Variants in FAM149B1 observed in about 807,000 individuals in gnomAD.
FAM149B1 encodes the protein primary cilium assembly protein FAM149B1.
FAM149B1 carries 56 observed loss-of-function variants against 75.3 expected under a neutral mutation model. The observed-to-expected ratio is 0.74, with a 90% confidence interval of 0.60 to 0.93. FAM149B1 has a LOEUF of 0.93. Among genes scored for constraint, FAM149B1 ranks in the 40% least tolerant of loss-of-function variants. The pLI, the probability that FAM149B1 is intolerant of heterozygous loss-of-function variation, is 0.00. For synonymous variants in FAM149B1, 259 were observed against 256.1 expected, an observed-to-expected ratio of 1.01 and a Z score of -0.11; for missense variants, 639 against 708.4, an observed-to-expected ratio of 0.90 and a Z score of 1.11.
At chr10:73,189,412 G>T (rs531889550) in intron 3 of FAM149B1, among the ~76,000 whole-genome samples, 3 of 152,136 alleles carry the variant, frequency 2.0e-5, no homozygotes, top group Non-Finnish European at 4.4e-5. Context: ...GAAAACATAT[G>T]TGTAGAAAAA....
chr10:73,221,339 G>C (rs981557608), intron 7 of FAM149B1, among the ~76,000 whole-genome samples: 3 of 151,758 alleles, frequency 2.0e-5, no homozygotes, highest in African/African-American at 4.8e-5. Context: ...AATATTTCTT[G>C]TATGTGGGTC....
In FAM149B1 at chr10:73,240,714, CA is replaced by C. The variant is rs55812252; in HGVS notation, c.1676-217del. 3.5e-3 allele frequency among the ~76,000 whole-genome samples: 379 copies of C among 106,862 alleles called. 1 individual carries two copies. The highest frequency in any genetic ancestry group is 0.016 in the East Asian group (58 of 3,610). 70.1% of individuals were successfully genotyped at this position (106,862 alleles called of 152,430 possible). A position where few individuals can be genotyped will look rare whatever the true frequency, so the allele number is the denominator to read the frequency against. On this transcript the variant is annotated intron_variant, in intron 13 of 13. Coordinates refer to ENST00000242505, the MANE Select transcript of FAM149B1 (RefSeq NM_173348.2). ...GGGGGACAGAGTGAGACTCCACCTC[CA>C]AAAAAAAAAAAAAACCTCAGGTATA...
chr10:73,182,489 G>A (rs1002882472), intron 3 of FAM149B1, among the ~76,000 whole-genome samples: 4 of 152,232 alleles, frequency 2.6e-5, no homozygotes, highest in Non-Finnish European at 5.9e-5. Context: ...TAGGATTACA[G>A]GCATGCGCCA....
Position 73,228,181 on chromosome 10 carries a change from T to A in FAM149B1, c.1020T>A (p.Asn340Lys). 1 of 1,551,672 alleles carries A rather than the reference T, an allele frequency of 6.4e-7. No individual in the cohort carries two copies. Among genetic ancestry groups the A allele is most frequent in the Non-Finnish European group, 8.7e-7 (1 of 1,146,966 alleles). The change falls in exon 8 of 14, where the codon AAT (asparagine) becomes AAA (lysine). Residue 340 changes from asparagine to lysine, a missense_variant. Physicochemically the swap from Asn to Lys is moderately conservative, Grantham distance 94 (BLOSUM62 0). Transcript: ENST00000242505. ...CTAAGGTGCTGTACATTACCTCAAATCCGGTAAGCCCCAGAGGGATCAGTT... is the reference window on the plus strand; with the variant it reads ...CTAAGGTGCTGTACATTACCTCAAAACCGGTAAGCCCCAGAGGGATCAGTT... ...PQSKVLYITS[N>K]PMSLCQASRH...
chr10:73,237,761 C>T (rs186225534), intron 12 of FAM149B1, among the ~76,000 whole-genome samples: 49 of 151,954 alleles, frequency 3.2e-4, no homozygotes, highest in Admixed American at 3.1e-3. Flanking sequence ...TATCTCGCTA[C>T]ATCACCCAGG....
chr10:73,193,624 G>A (rs534827698), intron 5 of FAM149B1, 31 bp downstream of exon 5: 5 of 1,543,046 alleles, frequency 3.2e-6, no homozygotes, highest in Non-Finnish European at 4.4e-6. Flanking sequence ...GTACTTCAAT[G>A]TGCCCTAATA....
At chr10:73,199,206 G>GTT (rs879868075) in intron 5 of FAM149B1, among the ~76,000 whole-genome samples, 36 of 151,268 alleles carry the variant, frequency 2.4e-4, no homozygotes, top group Admixed American at 1.3e-3. Context: ...TTTTGTTGTT[G>GTT]TTGTTGTTGT....
intron 3 of FAM149B1, among the ~76,000 whole-genome samples, chr10:73,190,123 A>C (rs2042642927): frequency 6.6e-6 from 1 of 152,222 alleles, no homozygotes; most frequent in Admixed American, 6.5e-5. Context: ...CAGGGAACTA[A>C]AGACAGAATT....
intron 7 of FAM149B1, among the ~76,000 whole-genome samples, chr10:73,221,521 A>G (rs1418926431): frequency 1.3e-5 from 2 of 151,994 alleles, no homozygotes; most frequent in African/African-American, 2.4e-5. Flanking sequence ...TGTCATCCTT[A>G]TCTTTGTTCC....
intron 1 of FAM149B1, among the ~76,000 whole-genome samples, chr10:73,171,331 T>A (rs974854617): frequency 1.3e-5 from 2 of 152,206 alleles, no homozygotes; most frequent in South Asian, 4.1e-4. Flanking sequence ...ATGAAGATAA[T>A]GAAGATAAAA....
At chr10:73,208,892 T>A (rs192106133) in intron 6 of FAM149B1, 106 bp downstream of exon 6, 169 of 668,780 alleles carry the variant, frequency 2.5e-4, no homozygotes, top group Admixed American at 1.1e-3. Flanking sequence ...TATATGCCAG[T>A]TTCTGTTATT....
intron 3 of FAM149B1, among the ~76,000 whole-genome samples, chr10:73,189,834 A>G (rs964522988): frequency 1.3e-5 from 2 of 152,236 alleles, no homozygotes; most frequent in African/African-American, 4.8e-5. Context: ...GTACACTTAA[A>G]TGTGCATTTT....
At chr10:73,240,787 T>G (rs1462603710) in intron 13 of FAM149B1, among the ~76,000 whole-genome samples, 159 bp from the exon 14 acceptor site, 4 of 152,170 alleles carry the variant, frequency 2.6e-5, no homozygotes, top group Non-Finnish European at 5.9e-5. Context: ...ACATCTTGCT[T>G]CTTTTTAATT....
At chr10:73,201,279 C>A in intron 5 of FAM149B1, 1 of 224,934 alleles carries the variant, frequency 4.4e-6, no homozygotes, top group Non-Finnish European at 9.6e-6. Flanking sequence ...GTTGAACAGA[C>A]AATTACAATG....
chr10:73,220,731 A>G (rs2043393796), intron 7 of FAM149B1, among the ~76,000 whole-genome samples: 1 of 152,202 alleles, frequency 6.6e-6, no homozygotes, highest in Non-Finnish European at 1.5e-5. Context: ...GGGACAGCGG[A>G]GATCTCTTTC....
intron 7 of FAM149B1, among the ~76,000 whole-genome samples, chr10:73,214,367 T>C (rs1414679843): frequency 6.6e-6 from 1 of 152,228 alleles, no homozygotes; most frequent in East Asian, 1.9e-4. Context: ...AAAGTGGGCA[T>C]CCTTGTCTTG....
At chr10:73,169,906 AT>A (rs905034274) in intron 1 of FAM149B1, among the ~76,000 whole-genome samples, 3 of 131,448 alleles carry the variant, frequency 2.3e-5, no homozygotes, top group Admixed American at 7.3e-5. Flanking sequence ...CCAAATTCCA[AT>A]TTTTTTTCCT....
chr10:73,178,818 G>C (rs1171331959), intron 3 of FAM149B1, among the ~76,000 whole-genome samples: 1 of 152,082 alleles, frequency 6.6e-6, no homozygotes, highest in Non-Finnish European at 1.5e-5. Flanking sequence ...GATGAGATGA[G>C]TGATTTTTAC....
At position 73,182,027 on chromosome 10, in the gene FAM149B1, C is replaced by G. The variant is rs2042411147; in HGVS notation, c.282+4052C>G. Among the ~76,000 whole-genome samples the G allele has an allele frequency of 2.6e-5, 4 of 152,160 alleles. No homozygotes were observed. The East Asian group carries it at 7.7e-4, about 29-fold the overall frequency. ...CTTTATCTCTTCTTATAGTTTCTGT[C>G]TTGAAATCTGTTTTGTCTGATACAA... On this transcript the variant is annotated intron_variant, in intron 3 of 13. Transcript: ENST00000242505.
Sources: allele counts gnomAD v4.1 joint callset (sites outside exome capture counted in the v4.1 genomes callset), GRCh38; gene constraint gnomAD v4.1.1; transcripts MANE v1.5; gene names NCBI Gene and HGNC (gene_info 2026-07-23, HGNC 2026-07-21).